Variants in RASAL2 observed in about 807,000 individuals in gnomAD.
RASAL2 encodes the protein ras GTPase-activating protein nGAP.
In RASAL2, 58 loss-of-function variants were observed where a neutral mutation model predicts 128.9. That is an observed-to-expected ratio of 0.45 (90% CI 0.36 to 0.56). The LOEUF is 0.56. Among genes scored for constraint, RASAL2 ranks in the 20% least tolerant of loss-of-function variants. The pLI is 0.00. For synonymous variants in RASAL2, 561 were observed against 580.8 expected, an observed-to-expected ratio of 0.97 and a Z score of 0.49; for missense variants, 1,360 against 1,601.6, an observed-to-expected ratio of 0.85 and a Z score of 2.57.
intron 3 of RASAL2, among the ~76,000 whole-genome samples, chr1:178,342,922 G>T (rs1295583140): frequency 6.6e-6 from 1 of 152,106 alleles, no homozygotes; most frequent in Non-Finnish European, 1.5e-5. Context: ...CTTGAGAGCC[G>T]CAACAGACAG....
chr1:178,412,237 G>A (rs1212146780), intron 4 of RASAL2, among the ~76,000 whole-genome samples: 1 of 152,108 alleles, frequency 6.6e-6, no homozygotes, highest in Non-Finnish European at 1.5e-5. Context: ...GAAAGTGAAA[G>A]AGAGATTGAA....
chr1:178,203,277 G>A (rs1166811979), intron 1 of RASAL2, among the ~76,000 whole-genome samples: 2 of 152,208 alleles, frequency 1.3e-5, no homozygotes, highest in African/African-American at 4.8e-5. Context: ...GTGGGCTCAT[G>A]CTTATGGAAT....
At chr1:178,233,783 G>A (rs1664110564) in intron 1 of RASAL2, among the ~76,000 whole-genome samples, 2 of 152,148 alleles carry the variant, frequency 1.3e-5, no homozygotes, top group Middle Eastern at 3.2e-3. Flanking sequence ...CTGAGCAGCA[G>A]GGATATTTCA....
chr1:178,219,065 C>T (rs1663528126), intron 1 of RASAL2, among the ~76,000 whole-genome samples: 1 of 152,238 alleles, frequency 6.6e-6, no homozygotes, highest in Non-Finnish European at 1.5e-5. Flanking sequence ...CTTGGTACAG[C>T]TTCTGCATTA....
At chr1:178,379,856 C>A (rs1039823889) in intron 3 of RASAL2, among the ~76,000 whole-genome samples, 1 of 152,140 alleles carries the variant, frequency 6.6e-6, no homozygotes, top group Non-Finnish European at 1.5e-5. Context: ...AATAAGATAT[C>A]AAGACTTAAA....
chr1:178,462,316 A>G (rs1678259356), intron 14 of RASAL2, among the ~76,000 whole-genome samples: 1 of 152,210 alleles, frequency 6.6e-6, no homozygotes, highest in South Asian at 2.1e-4. Flanking sequence ...TTTAGTAATG[A>G]ATTCTAAAGA....
intron 1 of RASAL2, among the ~76,000 whole-genome samples, chr1:178,231,819 A>G (rs780669039): frequency 6.6e-6 from 1 of 152,158 alleles, no homozygotes; most frequent in Non-Finnish European, 1.5e-5. Context: ...AAAATGTACA[A>G]TTGTAAGATT....
At chr1:178,149,638 A>G (rs1423726685) in intron 1 of RASAL2, among the ~76,000 whole-genome samples, 2 of 152,040 alleles carry the variant, frequency 1.3e-5, no homozygotes, top group African/African-American at 2.4e-5. Context: ...CCAAATTGGA[A>G]GAAAGAATAT....
At chr1:178,194,507 C>T (rs529694132) in intron 1 of RASAL2, 131 of 166,110 alleles carry the variant, frequency 7.9e-4, no homozygotes, top group Non-Finnish European at 1.6e-3. Context: ...TGATGAATTT[C>T]TCTAAGCACC....
At chr1:178,108,161 T>TA (rs1323632074) in intron 1 of RASAL2, among the ~76,000 whole-genome samples, 1 of 152,232 alleles carries the variant, frequency 6.6e-6, no homozygotes, top group Non-Finnish European at 1.5e-5. Context: ...TGTGAAGTGA[T>TA]ATCCCATTGT....
chr1:178,142,209 G>A (rs185135768), intron 1 of RASAL2, among the ~76,000 whole-genome samples: 5 of 152,146 alleles, frequency 3.3e-5, no homozygotes, highest in Admixed American at 6.5e-5. Context: ...GGTTTGACTC[G>A]AGTGCGATGT....
intron 13 of RASAL2, among the ~76,000 whole-genome samples, chr1:178,457,214 G>A (rs1295737189): frequency 6.6e-6 from 1 of 152,212 alleles, no homozygotes; most frequent in East Asian, 1.9e-4. Context: ...AAATCTTGGA[G>A]AACCTCGGTT....
chr1:178,426,645 T>A (rs1468799054), intron 5 of RASAL2, among the ~76,000 whole-genome samples: 2 of 151,748 alleles, frequency 1.3e-5, no homozygotes, highest in East Asian at 3.9e-4. Flanking sequence ...AAAAAATAGG[T>A]TGCATACAAA....
At chr1:178,253,379 C>T (rs1665147314) in intron 1 of RASAL2, among the ~76,000 whole-genome samples, 1 of 152,154 alleles carries the variant, frequency 6.6e-6, no homozygotes, top group African/African-American at 2.4e-5. Context: ...TACCAAGGGC[C>T]ATAACTTTAA....
chr1:178,277,195 TA>T (rs1382663102), intron 1 of RASAL2, among the ~76,000 whole-genome samples: 1 of 151,030 alleles, frequency 6.6e-6, no homozygotes, highest in African/African-American at 2.4e-5. Context: ...ATTGGCCTAT[TA>T]ATATGATATT....
chr1:178,464,365 G>A lies in RASAL2; in HGVS notation c.3340G>A (p.Val1114Met), dbSNP rs955343572. 3 of 1,613,728 alleles carry A rather than the reference G, an allele frequency of 1.9e-6. No individual in the cohort carries two copies. Among genetic ancestry groups the A allele is most frequent in the African/African-American group, 1.3e-5 (1 of 74,922 alleles). ...VLNNGQYEED[V>M]EETEQNLDEA... The stretch of plus-strand genomic sequence containing the variant: ...GAACAATGGGCAGTATGAAGAGGAT[G>A]TGGAAGAAACTGAGCAAAATCTAGA... The change falls in exon 15 of 18, where the codon GTG (valine) becomes ATG (methionine). Residue 1114 changes from valine to methionine, a missense_variant. Val to Met is a conservative substitution (Grantham distance 21). Around this residue, in one of 3 missense-constraint regions of RASAL2, gnomAD observed 741 missense variants for 868.6 expected, o/e 0.85. Coordinates refer to ENST00000367649, the MANE Select transcript of RASAL2 (RefSeq NM_170692.4).
chr1:178,288,558 A>G, intron 2 of RASAL2, among the ~76,000 whole-genome samples: 1 of 149,786 alleles, frequency 6.7e-6, no homozygotes, highest in Non-Finnish European at 1.5e-5. Flanking sequence ...ATCACTAGCA[A>G]TTCTCCCCTA....
intron 4 of RASAL2, among the ~76,000 whole-genome samples, chr1:178,416,511 A>G (rs1225913115): frequency 1.3e-5 from 2 of 152,116 alleles, no homozygotes; most frequent in Non-Finnish European, 2.9e-5. Context: ...TCAATTAAGA[A>G]GAAAAATAAA....
intron 1 of RASAL2, among the ~76,000 whole-genome samples, chr1:178,270,023 G>A (rs918002208): frequency 1.3e-5 from 2 of 152,062 alleles, no homozygotes; most frequent in Non-Finnish European, 2.9e-5. Flanking sequence ...CTCACACTTG[G>A]TTGTTAGTTT....
Sources: allele counts gnomAD v4.1 joint callset (sites outside exome capture counted in the v4.1 genomes callset), GRCh38; gene constraint gnomAD v4.1.1; regional missense constraint gnomAD v4.1.1; transcripts MANE v1.5; gene names NCBI Gene and HGNC (gene_info 2026-07-23, HGNC 2026-07-21).